Variants in CASK observed in about 807,000 individuals in gnomAD.
CASK encodes the protein peripheral plasma membrane protein CASK.
In CASK, 4 loss-of-function variants were observed where a neutral mutation model predicts 82.9. The ratio of observed to expected loss-of-function variants is 0.05; its 90% confidence interval spans 0.02 to 0.11. The LOEUF (loss-of-function observed/expected upper bound fraction) is 0.11. Among genes scored for constraint, CASK ranks in the 10% least tolerant of loss-of-function variants. The pLI is 1.00. For missense variants in CASK, 358 were observed against 720.9 expected, an observed-to-expected ratio of 0.50 and a Z score of 5.76; for synonymous variants, 259 against 253.5, an observed-to-expected ratio of 1.02 and a Z score of -0.20.
chrX:41,739,532 A>G (rs1224220128), intron 4 of CASK, 76 bp from the exon 5 acceptor site: 2 of 641,966 alleles, frequency 3.1e-6, no homozygotes, highest in African/African-American at 2.2e-5. Context: ...CTCCTAGTTT[A>G]TAACTCCCAC....
intron 1 of CASK, among the ~76,000 whole-genome samples, chrX:41,861,513 T>A (rs2071475541): frequency 9.1e-6 from 1 of 110,386 alleles, no homozygotes; most frequent in Non-Finnish European, 1.9e-5. Flanking sequence ...TTAGGCAATC[T>A]TAGCTAAATC....
At chrX:41,532,142 G>T (rs955161304) in intron 24 of CASK, among the ~76,000 whole-genome samples, 2 of 111,266 alleles carry the variant, frequency 1.8e-5, no homozygotes, top group Non-Finnish European at 3.8e-5. Context: ...CACCATGTTG[G>T]CCAGACTGGT....
At position 41,915,937 on chromosome X, in the gene CASK, G is replaced by A. The variant is rs184310362; in HGVS notation, c.59+6993C>T. On this transcript the variant is annotated intron_variant, in intron 1 of 26. Transcript: ENST00000378163. ...TGGGAGGCGGAGCTTGCAGTAAGCCGAGATCGCGCCATTGCACTCCAGCCT... is the reference window on the plus strand; with the variant it reads ...TGGGAGGCGGAGCTTGCAGTAAGCCAAGATCGCGCCATTGCACTCCAGCCT... 5.2e-4 allele frequency among the ~76,000 whole-genome samples: 58 copies of A among 111,496 alleles called. 1 individual carries two copies. Among genetic ancestry groups the A allele is most frequent in the African/African-American group, 1.3e-3 (41 of 30,640 alleles).
At chrX:41,652,989 C>A (rs866949366) in intron 8 of CASK, among the ~76,000 whole-genome samples, 2 of 111,741 alleles carry the variant, frequency 1.8e-5, no homozygotes, top group Middle Eastern at 4.6e-3. Flanking sequence ...GCCTTGGGGA[C>A]CAAGCCCTCA....
At chrX:41,742,136 T>C (rs1350448443) in intron 4 of CASK, among the ~76,000 whole-genome samples, 7 of 112,031 alleles carry the variant, frequency 6.2e-5, no homozygotes, top group African/African-American at 2.3e-4. Context: ...TAAGGATTAC[T>C]ATGGTAAGTA....
chrX:41,920,537 T>C lies in CASK; in HGVS notation c.59+2393A>G, dbSNP rs564245432. Among the ~76,000 whole-genome samples the C allele has an allele frequency of 9.8e-5, 11 of 112,201 alleles. No individual in the cohort carries two copies. In the South Asian group the frequency reaches 4.0e-3, roughly 41 times the overall value. On this transcript the variant is annotated intron_variant, in intron 1 of 26. Transcript: ENST00000378163. Reference sequence around the variant, plus strand: ...CAAGTCAGATTTTGTAGGATATGAATGAGATTTCACAGTTCATAGTAGTTA... The same window carrying C: ...CAAGTCAGATTTTGTAGGATATGAACGAGATTTCACAGTTCATAGTAGTTA...
chrX:41,626,234 G>C (rs1169510848), intron 10 of CASK, among the ~76,000 whole-genome samples: 1 of 110,811 alleles, frequency 9.0e-6, no homozygotes. Context: ...CGACTGACCT[G>C]GGGAAAAGCT....
intron 22 of CASK, among the ~76,000 whole-genome samples, chrX:41,536,377 G>A (rs769118248): frequency 1.8e-5 from 2 of 111,033 alleles, no homozygotes; most frequent in Non-Finnish European, 3.8e-5. Context: ...CGAAGTGTTG[G>A]GATTACAGGT....
At chrX:41,832,694 A>T (rs930806020) in intron 2 of CASK, among the ~76,000 whole-genome samples, 1 of 112,803 alleles carries the variant, frequency 8.9e-6, no homozygotes, top group African/African-American at 3.2e-5. Context: ...ATTTGTCCAC[A>T]GATCAATATA....
At chrX:41,589,144 C>G (rs1569324124) in intron 13 of CASK, among the ~76,000 whole-genome samples, 1 of 112,025 alleles carries the variant, frequency 8.9e-6, no homozygotes, top group African/African-American at 3.2e-5. Flanking sequence ...TATTTAATTG[C>G]TACAGAAATT....
chrX:41,746,489 T>C (rs746897077), intron 3 of CASK, among the ~76,000 whole-genome samples: 41 of 111,077 alleles, frequency 3.7e-4, no homozygotes, highest in Non-Finnish European at 6.8e-4. Flanking sequence ...GTCCATAACA[T>C]TTAGCACATA....
At chrX:41,884,618 T>TG (rs2072016184) in intron 1 of CASK, among the ~76,000 whole-genome samples, 1 of 112,252 alleles carries the variant, frequency 8.9e-6, no homozygotes, top group Non-Finnish European at 1.9e-5. Flanking sequence ...TTGCAGTAGA[T>TG]GAGACAGTCA....
At chrX:41,563,040 C>CAAAAAAAAAAA (rs141364032) in intron 16 of CASK, among the ~76,000 whole-genome samples, 100 of 22,104 alleles carry the variant, frequency 4.5e-3, no homozygotes, top group Admixed American at 5.3e-3. Context: ...GACTCCATCT[C>CAAAAAAAAAAA]AAAAAAAAAA....
Position 41,630,446 on chromosome X carries a change from T to C in CASK, c.916-3743A>G, listed in dbSNP as rs186390234. 5.4e-4 allele frequency among the ~76,000 whole-genome samples: 60 copies of C among 112,020 alleles called. No homozygotes were observed. In the East Asian group the frequency reaches 0.013, roughly 25 times the overall value. On this transcript the variant is annotated intron_variant, in intron 9 of 26. Transcript: ENST00000378163. Reference sequence around the variant, plus strand: ...GCTCAGAAACACGCATCATGAAGTTTGATAGGCACAATGGCAGAAGGGTAC... The same window carrying C: ...GCTCAGAAACACGCATCATGAAGTTCGATAGGCACAATGGCAGAAGGGTAC...
At chrX:41,850,479 A>G (rs1170802719) in intron 2 of CASK, among the ~76,000 whole-genome samples, 1 of 112,178 alleles carries the variant, frequency 8.9e-6, no homozygotes, top group East Asian at 2.8e-4. Context: ...CTAAGCCAAA[A>G]ATAAAATAAT....
At chrX:41,913,194 A>G (rs987856338) in intron 1 of CASK, among the ~76,000 whole-genome samples, 11 of 111,681 alleles carry the variant, frequency 9.8e-5, no homozygotes, top group African/African-American at 3.3e-4. Context: ...AACTCATTTG[A>G]GCTCCCTGAG....
intron 1 of CASK, among the ~76,000 whole-genome samples, chrX:41,917,093 A>G (rs2072706130): frequency 1.8e-5 from 2 of 112,712 alleles, no homozygotes; most frequent in South Asian, 7.3e-4. Flanking sequence ...AATTTGCAGT[A>G]TAGAAACTCT....
intron 5 of CASK, among the ~76,000 whole-genome samples, chrX:41,682,805 G>C (rs2067382941): frequency 9.1e-6 from 1 of 109,815 alleles, no homozygotes. Context: ...GGGGGTTAGA[G>C]TGTCTCGTTA....
chrX:41,919,265 A>G (rs2072744535), intron 1 of CASK: 1 of 111,930 alleles, frequency 8.9e-6, no homozygotes, highest in African/African-American at 3.2e-5. Context: ...CAAATACAGC[A>G]TGCCTCACAA....
Sources: allele counts gnomAD v4.1 joint callset (sites outside exome capture counted in the v4.1 genomes callset), GRCh38; gene constraint gnomAD v4.1.1; transcripts MANE v1.5; gene names NCBI Gene and HGNC (gene_info 2026-07-23, HGNC 2026-07-21).